REX1BD: variants seen among roughly 807,000 people sequenced by gnomAD.
REX1BD encodes the protein required for excision 1-B domain containing, also known as required for excision 1-B domain-containing protein.
REX1BD carries 22 observed loss-of-function variants against 24.4 expected under a neutral mutation model. The observed-to-expected ratio is 0.90, with a 90% CI of 0.64 to 1.29. REX1BD has a LOEUF of 1.29. REX1BD is among the 50% of genes most tolerant of loss of function. The pLI is 0.00. For missense variants in REX1BD, 293 were observed against 285.3 expected (o/e 1.03, Z -0.19); for synonymous variants, 146 against 125.9 (o/e 1.16, Z -1.07).
Position 18,592,249 on chromosome 19 carries a change from C to T in REX1BD, c.*69C>T, listed in dbSNP as rs1286720273. ...CGGATGGCGCCCAGCCCAGCCCTAA[C>T]TGCCAGCTGGCTGGGGTTGCGCCCC... On this transcript the variant is annotated 3_prime_UTR_variant, in exon 5 of 5. Coordinates refer to ENST00000358607, the MANE Select transcript of REX1BD (RefSeq NM_001100418.2). The T allele has an allele frequency of 1.9e-6, 3 of 1,582,540 alleles. No homozygotes were observed. The highest frequency in any genetic ancestry group is 2.2e-5 in the East Asian group (1 of 44,646).
At chr19:18,591,107 G>A (rs112375973) in intron 4 of REX1BD, 174 bp downstream of exon 4, 5,989 of 581,538 alleles carry the variant, frequency 0.01, 56 homozygotes, top group Non-Finnish European at 0.012. Flanking sequence ...CATCAGTTTC[G>A]CTGTGCATTG....
At position 18,592,178 on chromosome 19, in the gene REX1BD, T is replaced by C; in HGVS notation, c.604T>C (p.Ter202ArgextTer?). 1.9e-6 allele frequency: 3 copies of C among 1,614,024 alleles called. No homozygotes were observed. Among genetic ancestry groups the C allele is most frequent in the Non-Finnish European group, 2.5e-6 (3 of 1,179,994 alleles). Residue 202 changes from the stop codon to arginine, a stop_lost, in exon 5 of 5, where the codon TGA becomes CGA. Coordinates refer to ENST00000358607, the MANE Select transcript of REX1BD (RefSeq NM_001100418.2). ...DLRFDAESAE[*>R] ...TAGGTTTGATGCGGAATCTGCCGAG[T>C]GATGGCGGCTCCCCAGGGATGCGCC... is the stretch of plus-strand genomic sequence containing the variant.
At chr19:18,589,801 T>C in intron 3 of REX1BD, 118 bp downstream of exon 3, 7 of 1,333,392 alleles carry the variant, frequency 5.2e-6, no homozygotes, top group Non-Finnish European at 6.8e-6. Flanking sequence ...CCCCTTCCTG[T>C]CCCACCCCAA....
In REX1BD at chr19:18,589,016, C is replaced by A. The variant is rs1975976777; in HGVS notation, c.121C>A (p.Leu41Met). 30 of 1,527,956 alleles carry A rather than the reference C, an allele frequency of 2.0e-5. No individual in the cohort carries two copies. The highest frequency in any genetic ancestry group is 2.4e-5 in the Non-Finnish European group (28 of 1,143,930). 94.6% of individuals were successfully genotyped at this position (1,527,956 alleles called of 1,614,324 possible). ...GCAGAAAGACGCCCCGATCCGGACG[C>A]TGGTGCAGCGCATCCACCAGCTGCA... ...WPWKDAPIRT[L>M]VQRIHQLQAE... The change falls in exon 2 of 5, where the codon CTG becomes ATG. Residue 41 changes from leucine to methionine, a missense_variant. Leu to Met is a conservative substitution (Grantham distance 15, BLOSUM62 2). Coordinates refer to ENST00000358607, the MANE Select transcript of REX1BD (RefSeq NM_001100418.2).
At chr19:18,589,246 C>A (rs1364426881) in intron 2 of REX1BD, 167 bp from the exon 3 acceptor site, 1 of 1,531,904 alleles carries the variant, frequency 6.5e-7, no homozygotes, top group Non-Finnish European at 8.7e-7. Context: ...AAAAAGGCCC[C>A]ACAGCACGTC....
intron 4 of REX1BD, 199 bp from the exon 5 acceptor site, chr19:18,591,909 C>T: frequency 3.3e-6 from 2 of 608,284 alleles, no homozygotes; most frequent in South Asian, 2.0e-5. Flanking sequence ...GGCCTTTTCT[C>T]TCAGCCCACT....
At chr19:18,589,117 G>T (rs1346867496) in intron 2 of REX1BD, 40 bp downstream of exon 2, 11 of 1,466,680 alleles carry the variant, frequency 7.5e-6, no homozygotes, top group Non-Finnish European at 9.9e-6. Context: ...TCGGTCCCCC[G>T]CCCGCTCCGG....
intron 3 of REX1BD, 37 bp from the exon 4 acceptor site, chr19:18,590,817 G>C (rs765670340): frequency 5.1e-6 from 8 of 1,575,728 alleles, no homozygotes; most frequent in Admixed American, 1.8e-5. Flanking sequence ...GGTTCTGCTC[G>C]TGGAGACATC....
intron 3 of REX1BD, chr19:18,590,435 G>A (rs1976017078): frequency 6.0e-6 from 1 of 166,526 alleles, no homozygotes; most frequent in South Asian, 1.3e-4. Context: ...GGGCAAGGCT[G>A]GTCTCGAACT....
intron 1 of REX1BD, 25 bp downstream of exon 1, chr19:18,588,925 G>A (rs953136117): frequency 2.0e-6 from 3 of 1,525,070 alleles, no homozygotes; most frequent in Non-Finnish European, 2.6e-6. Flanking sequence ...AAGCGGGAAC[G>A]GGCGCGGGGC....
At position 18,589,825 on chromosome 19, in the gene REX1BD, C is replaced by A; in HGVS notation, c.453+142C>A. 10 of 1,227,886 alleles carry A rather than the reference C, an allele frequency of 8.1e-6. No homozygotes were observed. In the South Asian group the frequency reaches 1.6e-4, roughly 20 times the overall value. 76.1% of individuals were successfully genotyped at this position (1,227,886 alleles called of 1,614,324 possible). A position where few individuals can be genotyped will look rare whatever the true frequency, so the allele number is the denominator to read the frequency against. ...GTCCCACCCCAATCCTCTATTAAGG[C>A]TTCACTTGGGGATTCTCGGACCTTG... On this transcript the variant is annotated intron_variant, in intron 3 of 4. Transcript: ENST00000358607.
chr19:18,589,205 G>A, intron 2 of REX1BD, 128 bp downstream of exon 2: 3 of 1,503,840 alleles, frequency 2.0e-6, no homozygotes, highest in Non-Finnish European at 2.7e-6. Context: ...ATGGGGCGGG[G>A]ATTTCGGGGC....
At position 18,588,843 on chromosome 19, in the gene REX1BD, G is replaced by A. The variant is rs919197978; in HGVS notation, c.42G>A (p.Val14=). ...CGGCGGAGCCTACGGTCCCTGCAGTGCCTGCTGCTGAGGAGGCCACCGAAG... is the reference window on the plus strand; with the variant it reads ...CGGCGGAGCCTACGGTCCCTGCAGTACCTGCTGCTGAGGAGGCCACCGAAG... ...ETAAEPTVPA[V]PAAEEATEAR... The change falls in exon 1 of 5, where the codon GTG becomes GTA. Residue 14 remains valine, a synonymous_variant. Transcript: ENST00000358607. 2 of 1,533,578 alleles carry A rather than the reference G, an allele frequency of 1.3e-6. No individual in the cohort carries two copies. Among genetic ancestry groups the A allele is most frequent in the East Asian group, 2.5e-5 (1 of 40,712 alleles). The allele number at this position is 1,533,578 out of a possible 1,614,324, so 95.0% of individuals were successfully genotyped here.
rs895955195 is a variant in REX1BD at position 18,589,617 on chromosome 19, C to A, written c.387C>A (p.Arg129=). ...TGGAAGCAGAGCTGGGCGGGCCTCG[C>A]AGGCAGCCGCTGCTCGCCGGCCACG... ...LAVEAELGGP[R]RQPLLAGHVR... Residue 129 remains arginine, a synonymous_variant, in exon 3 of 5, where the codon CGC becomes CGA. Coordinates refer to ENST00000358607, the MANE Select transcript of REX1BD (RefSeq NM_001100418.2). The A allele has an allele frequency of 1.3e-6, 2 of 1,527,838 alleles. No individual in the cohort carries two copies. Among genetic ancestry groups the A allele is most frequent in the East Asian group, 4.9e-5 (2 of 40,674 alleles). The allele number at this position is 1,527,838 out of a possible 1,614,324, so 94.6% of individuals were successfully genotyped here. A position where few individuals can be genotyped will look rare whatever the true frequency, so the allele number is the denominator to read the frequency against.
At chr19:18,589,732 T>C in intron 3 of REX1BD, 49 bp downstream of exon 3, 1 of 1,436,656 alleles carries the variant, frequency 7.0e-7, no homozygotes, top group South Asian at 1.5e-5. Flanking sequence ...CCTGGCCGGC[T>C]CCTCTCATGA....
At position 18,589,544 on chromosome 19, in the gene REX1BD, A is replaced by G; in HGVS notation, c.314A>G (p.His105Arg). The change falls in exon 3 of 5, where the codon CAC becomes CGC. Residue 105 changes from histidine to arginine, a missense_variant. His to Arg is a conservative substitution (Grantham distance 29). Transcript: ENST00000358607. ...TTCGCGCGCTACCGGAGCACAGTGC[A>G]CGGGGTGACCCAGGCCTTCGCCGCC... The part of the protein sequence containing the change: ...YDFARYRSTV[H>R]GVTQAFAAAS... 1 of 1,577,634 alleles carries G rather than the reference A, an allele frequency of 6.3e-7. No individual in the cohort carries two copies.
intron 2 of REX1BD, 115 bp from the exon 3 acceptor site, chr19:18,589,298 C>T: frequency 1.3e-6 from 2 of 1,541,506 alleles, no homozygotes; most frequent in Non-Finnish European, 1.7e-6. Flanking sequence ...TCTCTCTCCT[C>T]CCCAAGAGCA....
intron 4 of REX1BD, chr19:18,591,220 C>T: frequency 2.9e-6 from 1 of 342,916 alleles, no homozygotes; most frequent in Non-Finnish European, 5.4e-6. Context: ...GATGCCTGTC[C>T]TCAGCCCCCA....
At chr19:18,590,643 C>G in intron 3 of REX1BD, 1 of 536,020 alleles carries the variant, frequency 1.9e-6, no homozygotes, top group Non-Finnish European at 3.3e-6. Flanking sequence ...CCACATCGCG[C>G]TCAGCACTGC....
Sources: gnomAD v4.1 joint callset for allele counts on GRCh38, gnomAD v4.1.1 for gene constraint, MANE v1.5 for transcripts, NCBI Gene and HGNC (gene_info 2026-07-23, HGNC 2026-07-21) for gene names.